The following GPC3 variants were observed in gnomAD, a reference collection of about 807,000 sequenced individuals.
GPC3 encodes glypican 3, also known as glypican-3.
GPC3 carries 3 observed loss-of-function variants against 34.4 expected under a neutral mutation model. The observed-to-expected ratio is 0.09, with a 90% confidence interval of 0.04 to 0.23. The LOEUF (loss-of-function observed/expected upper bound fraction) is 0.23. Among genes scored for constraint, GPC3 ranks in the 10% least tolerant of loss-of-function variants. The pLI is 1.00. For missense variants in GPC3, 351 were observed against 445.6 expected, an observed-to-expected ratio of 0.79 and a Z score of 1.91; for synonymous variants, 177 against 174.0, an observed-to-expected ratio of 1.02 and a Z score of -0.13.
intron 2 of GPC3, among the ~76,000 whole-genome samples, chrX:133,916,542 C>T (rs2076225918): frequency 9.0e-6 from 1 of 111,414 alleles, no homozygotes; most frequent in African/African-American, 3.3e-5. Context: ...GGTATATTAC[C>T]ATTCCCTAAG....
chrX:133,696,060 G>A (rs1295782251), intron 4 of GPC3, among the ~76,000 whole-genome samples: 1 of 111,788 alleles, frequency 8.9e-6, no homozygotes, highest in African/African-American at 3.3e-5. Context: ...GAGACAGGGA[G>A]AACAAAGAGT....
chrX:133,541,304 A>G (rs2069341032), intron 7 of GPC3, among the ~76,000 whole-genome samples: 1 of 110,970 alleles, frequency 9.0e-6, no homozygotes, highest in South Asian at 3.8e-4. Context: ...CAAACCAGAA[A>G]CTTCTCAGTT....
Position 133,753,502 on chromosome X carries a change from C to T in GPC3, c.1012G>A (p.Ala338Thr), listed in dbSNP as rs1183737513. ...CTCACAGTGGTGGTCAGCTTTCCTG[C>T]ATTCTTCTGGACATACTGGATAGAA... is the stretch of plus-strand genomic sequence containing the variant. ...HDSIQYVQKNAGKLTTTIGKL... is the reference protein window; with the variant it reads ...HDSIQYVQKNTGKLTTTIGKL... The change falls in exon 3 of 8, where the codon GCA becomes ACA. Residue 338 changes from alanine to threonine, a missense_variant. Physicochemically the swap from Ala to Thr is moderately conservative, Grantham distance 58. Coordinates refer to ENST00000370818, the MANE Select transcript of GPC3 (RefSeq NM_004484.4). 8.3e-7 allele frequency: 1 copy of T among 1,206,990 alleles called. No homozygotes were observed. The highest frequency in any genetic ancestry group is 1.8e-5 in the African/African-American group (1 of 57,030).
intron 6 of GPC3, among the ~76,000 whole-genome samples, chrX:133,598,311 C>A (rs1458009216): frequency 9.2e-6 from 1 of 108,197 alleles, no homozygotes. Flanking sequence ...TGACACCATC[C>A]CCAGCTAATT....
Position 133,704,277 on chromosome X carries a change from GA to G in GPC3, c.1033-4250del, listed in dbSNP as rs372010975. The G allele has an allele frequency of 0.11, 74,622 of 668,080 alleles. 4 individuals carry two copies. The highest frequency in any genetic ancestry group is 0.14 in the East Asian group (2,361 of 17,228). 55.1% of individuals were successfully genotyped at this position (668,080 alleles called of 1,213,427 possible). On this transcript the variant is annotated intron_variant, in intron 3 of 7. Coordinates refer to ENST00000370818, the MANE Select transcript of GPC3 (RefSeq NM_004484.4). Reference sequence around the variant, plus strand: ...GCCATATTTTCTTCTCAGTTTCCTTGAAAAAAAAAAAAAGGTGAAAATTACT... The same window carrying G: ...GCCATATTTTCTTCTCAGTTTCCTTGAAAAAAAAAAAAGGTGAAAATTACT...
At chrX:133,983,289 T>C (rs151028702) in intron 1 of GPC3, among the ~76,000 whole-genome samples, 4,257 of 112,402 alleles carry the variant, frequency 0.038, 68 homozygotes, top group East Asian at 0.1. Context: ...ATTTCTCCTA[T>C]AGAGTTTGTG....
chrX:133,855,540 T>G (rs187229107), intron 2 of GPC3, among the ~76,000 whole-genome samples: 2,196 of 105,260 alleles, frequency 0.021, 74 homozygotes, highest in African/African-American at 0.073. Context: ...GATATATATA[T>G]ATATATATAG....
intron 2 of GPC3, among the ~76,000 whole-genome samples, chrX:133,875,528 T>G (rs751015468): frequency 9.0e-6 from 1 of 111,515 alleles, no homozygotes; most frequent in Non-Finnish European, 1.9e-5. Context: ...TTTTTTGGCA[T>G]TCACCAAGCT....
At chrX:133,883,921 T>C (rs770371272) in intron 2 of GPC3, among the ~76,000 whole-genome samples, 1 of 112,331 alleles carries the variant, frequency 8.9e-6, no homozygotes, top group East Asian at 2.8e-4. Context: ...TGGCTCGTTG[T>C]CAAAGATATG....
At chrX:133,594,879 A>G (rs186660334) in intron 7 of GPC3, among the ~76,000 whole-genome samples, 1 of 110,303 alleles carries the variant, frequency 9.1e-6, no homozygotes, top group East Asian at 2.8e-4. Flanking sequence ...TTTTACCCTA[A>G]TAAAAAATAA....
chrX:133,723,369 A>G (rs746579571), intron 3 of GPC3, among the ~76,000 whole-genome samples: 2 of 112,228 alleles, frequency 1.8e-5, no homozygotes, highest in East Asian at 5.6e-4. Context: ...TTTCACTTTC[A>G]GCAAACAGAG....
intron 7 of GPC3, among the ~76,000 whole-genome samples, chrX:133,549,004 A>G (rs1213765507): frequency 9.0e-6 from 1 of 111,607 alleles, no homozygotes; most frequent in Non-Finnish European, 1.9e-5. Context: ...TCAGCAGCAT[A>G]AAAATGGACT....
chrX:133,832,209 G>A (rs1001278258), intron 2 of GPC3, among the ~76,000 whole-genome samples: 1 of 111,128 alleles, frequency 9.0e-6, no homozygotes, highest in African/African-American at 3.3e-5. Flanking sequence ...GAACCTGGGA[G>A]GCAGACATTG....
chrX:133,936,049 A>G (rs2076321988), intron 2 of GPC3, among the ~76,000 whole-genome samples: 1 of 109,077 alleles, frequency 9.2e-6, no homozygotes, highest in Admixed American at 9.9e-5. Context: ...AGTAGCTGGG[A>G]CTACAGGAAT....
intron 5 of GPC3, among the ~76,000 whole-genome samples, chrX:133,669,184 T>C (rs1438578896): frequency 2.7e-5 from 3 of 111,909 alleles, no homozygotes; most frequent in African/African-American, 9.7e-5. Flanking sequence ...AGACAAGGTG[T>C]TGAAGTTAGA....
chrX:133,896,906 C>CTTT (rs1377700485), intron 2 of GPC3, among the ~76,000 whole-genome samples: 4 of 92,414 alleles, frequency 4.3e-5, no homozygotes, highest in East Asian at 3.2e-4. Context: ...ACTCTGTGAC[C>CTTT]TTTTTTTTTT....
chrX:133,863,916 A>G (rs1210776953), intron 2 of GPC3, among the ~76,000 whole-genome samples: 3 of 109,170 alleles, frequency 2.7e-5, no homozygotes, highest in Non-Finnish European at 5.7e-5. Flanking sequence ...CGGCCTCCCA[A>G]AGTGCTGGGA....
intron 5 of GPC3, among the ~76,000 whole-genome samples, chrX:133,666,018 C>T (rs1411605264): frequency 9.0e-6 from 1 of 111,669 alleles, no homozygotes; most frequent in African/African-American, 3.3e-5. Flanking sequence ...CTTCCCAAAG[C>T]TTCTTATCCT....
At chrX:133,882,097 G>C (rs924949480) in intron 2 of GPC3, among the ~76,000 whole-genome samples, 1 of 112,052 alleles carries the variant, frequency 8.9e-6, no homozygotes, top group Non-Finnish European at 1.9e-5. Context: ...AGTCCTTAAA[G>C]CACTCTGGGC....
Sources: allele counts gnomAD v4.1 joint callset (sites outside exome capture counted in the v4.1 genomes callset), GRCh38; gene constraint gnomAD v4.1.1; transcripts MANE v1.5; gene names NCBI Gene and HGNC (gene_info 2026-07-23, HGNC 2026-07-21).